The following ADCK1 variants were observed in gnomAD, a reference collection of about 807,000 sequenced individuals.
ADCK1 encodes the protein aarF domain containing kinase 1, also known as aarF domain-containing protein kinase 1.
In ADCK1, 41 loss-of-function variants were observed where a neutral mutation model predicts 52.3. The observed-to-expected ratio is 0.78, with a 90% CI of 0.61 to 1.02. The LOEUF is 1.02. ADCK1 is among the 50% of genes least tolerant of loss of function. The probability of loss-of-function intolerance (pLI) is 0.00; values close to 1 mark genes in which losing one functional copy is unlikely to be tolerated. For missense variants in ADCK1, 658 were observed against 679.5 expected (o/e 0.97, Z 0.35); for synonymous variants, 250 against 274.6 (o/e 0.91, Z 0.89).
intron 4 of ADCK1, among the ~76,000 whole-genome samples, chr14:77,864,635 ATGTG>A (rs3082711): frequency 0.087 from 13,092 of 150,392 alleles, 992 homozygotes; most frequent in African/African-American, 0.21. Context: ...TAGGATATGA[ATGTG>A]TGTGTGTGTG....
chr14:77,920,706 T>C (rs997304656), intron 7 of ADCK1, among the ~76,000 whole-genome samples: 3 of 152,198 alleles, frequency 2.0e-5, no homozygotes, highest in African/African-American at 7.2e-5. Flanking sequence ...TGGAGTACAG[T>C]GGTGCCATCA....
intron 9 of ADCK1, among the ~76,000 whole-genome samples, chr14:77,926,682 T>C (rs1178197771): frequency 4.6e-5 from 7 of 152,200 alleles, no homozygotes; most frequent in Non-Finnish European, 7.3e-5. Context: ...GGTTTTGCCA[T>C]GTTGGCCAGG....
At chr14:77,932,151 C>T (rs1291659596) in intron 10 of ADCK1, among the ~76,000 whole-genome samples, 3 of 152,082 alleles carry the variant, frequency 2.0e-5, no homozygotes, top group African/African-American at 7.3e-5. Context: ...CGAATTCAAG[C>T]GATTCTCCTG....
intron 6 of ADCK1, among the ~76,000 whole-genome samples, chr14:77,906,614 T>C (rs892849085): frequency 1.3e-5 from 2 of 152,232 alleles, no homozygotes; most frequent in African/African-American, 4.8e-5. Context: ...AGTGGTTGCC[T>C]ACTGACATAT....
intron 1 of ADCK1, among the ~76,000 whole-genome samples, chr14:77,807,486 C>A (rs1470429741): frequency 6.6e-6 from 1 of 151,510 alleles, no homozygotes; most frequent in Non-Finnish European, 1.5e-5. Flanking sequence ...GGATTACAGC[C>A]GTGCGCCACC....
intron 9 of ADCK1, among the ~76,000 whole-genome samples, chr14:77,930,738 A>C (rs1193657375): frequency 6.6e-6 from 1 of 152,222 alleles, no homozygotes; most frequent in African/African-American, 2.4e-5. Context: ...CAACATTGTC[A>C]AAGTGCCTGG....
intron 3 of ADCK1, among the ~76,000 whole-genome samples, chr14:77,831,654 G>A (rs1055599420): frequency 7.9e-5 from 12 of 151,614 alleles, no homozygotes; most frequent in African/African-American, 2.9e-4. Context: ...GTGTGATCTC[G>A]GCTCACTGCA....
chr14:77,862,462 T>C (rs908073445), intron 4 of ADCK1, among the ~76,000 whole-genome samples: 8 of 152,092 alleles, frequency 5.3e-5, no homozygotes, highest in Admixed American at 3.9e-4. Flanking sequence ...CCTGACCAGG[T>C]GGATGAGACT....
At chr14:77,883,542 A>T (rs2083080693) in intron 4 of ADCK1, among the ~76,000 whole-genome samples, 1 of 152,164 alleles carries the variant, frequency 6.6e-6, no homozygotes, top group African/African-American at 2.4e-5. Flanking sequence ...CTGCAGCACC[A>T]ATCTTTAATT....
At chr14:77,815,662 G>A (rs55637975) in intron 1 of ADCK1, among the ~76,000 whole-genome samples, 5,106 of 151,408 alleles carry the variant, frequency 0.034, 128 homozygotes, top group African/African-American at 0.076. Context: ...GGGACTACAG[G>A]TGCACACCAC....
chr14:77,857,816 G>A (rs184808280), intron 3 of ADCK1, among the ~76,000 whole-genome samples: 5 of 152,294 alleles, frequency 3.3e-5, no homozygotes, highest in Admixed American at 1.3e-4. Flanking sequence ...GTCCATCCTC[G>A]TGGTTCACTC....
At chr14:77,875,411 C>T (rs891496042) in intron 4 of ADCK1, among the ~76,000 whole-genome samples, 12 of 151,988 alleles carry the variant, frequency 7.9e-5, no homozygotes, top group South Asian at 2.1e-4. Flanking sequence ...GTGGTCAGAA[C>T]GTCGGCAAGT....
intron 3 of ADCK1, among the ~76,000 whole-genome samples, chr14:77,849,318 C>T (rs966044593): frequency 2.6e-5 from 4 of 152,316 alleles, no homozygotes; most frequent in Admixed American, 6.5e-5. Context: ...AAGCAATCCT[C>T]CCGCCTTGGC....
chr14:77,910,021 C>T (rs1290204809), intron 7 of ADCK1, among the ~76,000 whole-genome samples: 1 of 152,130 alleles, frequency 6.6e-6, no homozygotes, highest in African/African-American at 2.4e-5. Context: ...CACAGAGCTG[C>T]TGCCAGGAGC....
rs532379682 is a variant in ADCK1 at position 77,842,088 on chromosome 14, C to G, written c.220-16988C>G. ...CCTGGGCGACTGAGTGAGATCCTGTCTCTGTAAAACAATCAAACATGACAC... is the reference window on the plus strand; with the variant it reads ...CCTGGGCGACTGAGTGAGATCCTGTGTCTGTAAAACAATCAAACATGACAC... On this transcript the variant is annotated intron_variant, in intron 3 of 10. Transcript: ENST00000238561. Among the ~76,000 whole-genome samples, 5 of 152,138 alleles carry G rather than the reference C, an allele frequency of 3.3e-5. No individual in the cohort carries two copies. The East Asian group carries it at 9.6e-4, about 29-fold the overall frequency.
chr14:77,871,879 G>A (rs2082786174), intron 4 of ADCK1, among the ~76,000 whole-genome samples: 3 of 152,214 alleles, frequency 2.0e-5, no homozygotes, highest in Non-Finnish European at 4.4e-5. Context: ...TGAGGCCAGA[G>A]ATGTTAGGTC....
intron 7 of ADCK1, among the ~76,000 whole-genome samples, chr14:77,922,098 G>T (rs977674824): frequency 2.1e-4 from 32 of 152,296 alleles, no homozygotes; most frequent in African/African-American, 7.2e-4. Flanking sequence ...AATTGGTTTG[G>T]CAGATACAGC....
Position 77,851,113 on chromosome 14 carries a change from C to T in ADCK1, c.220-7963C>T, listed in dbSNP as rs1218548683. Among the ~76,000 whole-genome samples the T allele has an allele frequency of 2.0e-5, 3 of 148,042 alleles. No individual in the cohort carries two copies. The East Asian group carries it at 5.9e-4, about 29-fold the overall frequency. ...AAGAGCGTTTCTTTTAGGCAGCATA[C>T]ATTTGGGTCTTTTTTTTTTTTTGAG... is the stretch of plus-strand genomic sequence containing the variant. On this transcript the variant is annotated intron_variant, in intron 3 of 10. Coordinates refer to ENST00000238561, the MANE Select transcript of ADCK1 (RefSeq NM_020421.4).
chr14:77,821,532 C>T (rs941765542), intron 2 of ADCK1, among the ~76,000 whole-genome samples: 5 of 151,954 alleles, frequency 3.3e-5, no homozygotes, highest in Non-Finnish European at 5.9e-5. Flanking sequence ...CCTAGGATAT[C>T]GTGGAGATTG....
Sources: gnomAD v4.1 joint callset for allele counts (sites outside exome capture counted in the v4.1 genomes callset) on GRCh38, gnomAD v4.1.1 for gene constraint, MANE v1.5 for transcripts, NCBI Gene and HGNC (gene_info 2026-07-23, HGNC 2026-07-21) for gene names.